The following AGPAT3 variants were observed in gnomAD, a reference collection of about 807,000 sequenced individuals.
The protein encoded by AGPAT3 is 1-acylglycerol-3-phosphate O-acyltransferase 3.
AGPAT3 carries 5 observed loss-of-function variants against 47.3 expected under a neutral mutation model. That is an observed-to-expected ratio of 0.11 (90% CI 0.06 to 0.22). The LOEUF (loss-of-function observed/expected upper bound fraction) is 0.22, where lower values mean the gene tolerates loss of function less well. Ranked by LOEUF, AGPAT3 falls within the 10% of genes least tolerant of loss-of-function variation. AGPAT3 has a pLI of 1.00. For missense variants in AGPAT3, 315 were observed against 493.0 expected (o/e 0.64, Z 3.42); for synonymous variants, 212 against 208.3 (o/e 1.02, Z -0.15).
chr21:43,985,079 C>T lies in AGPAT3; in HGVS notation c.*2687C>T, dbSNP rs2030126455. ...CCAGGCGGGAGGGCCCAGGCCCACC[C>T]ACGGGCGTCTGGCCGGTCAAGCTCC... is the stretch of plus-strand genomic sequence containing the variant. On this transcript the variant is annotated 3_prime_UTR_variant, in exon 10 of 10. Transcript: ENST00000291572. 2.2e-6 allele frequency: 1 copy of T among 455,978 alleles called. No homozygotes were observed. The highest frequency in any genetic ancestry group is 4.4e-6 in the Non-Finnish European group (1 of 226,808). The allele number at this position is 455,978 out of a possible 1,614,324, so 28.2% of individuals were successfully genotyped here. A position where few individuals can be genotyped will look rare whatever the true frequency, so the allele number is the denominator to read the frequency against.
intron 2 of AGPAT3, among the ~76,000 whole-genome samples, chr21:43,905,304 C>G (rs1440894650): frequency 6.6e-6 from 1 of 151,966 alleles, no homozygotes; most frequent in Non-Finnish European, 1.5e-5. Context: ...ATTCTCCTGC[C>G]TCAGCCCCCT....
Position 43,981,456 on chromosome 21 carries a change from G to A in AGPAT3, c.1042+269G>A, listed in dbSNP as rs746040694. The A allele has an allele frequency of 9.5e-5, 51 of 535,862 alleles. No individual in the cohort carries two copies. The East Asian group carries it at 1.2e-3, about 12-fold the overall frequency. The allele number at this position is 535,862 out of a possible 1,614,324, so 33.2% of individuals were successfully genotyped here. A position where few individuals can be genotyped will look rare whatever the true frequency, so the allele number is the denominator to read the frequency against. On this transcript the variant is annotated intron_variant, in intron 9 of 9. Coordinates refer to ENST00000291572, the MANE Select transcript of AGPAT3 (RefSeq NM_020132.5). This position sits in a 1 kb window ranked among gnomAD's most constrained non-coding sequence, Gnocchi z 5.3. ...ACTGGCTGGCGCCCTTGAGGATGCC[G>A]ACGAGAGGGTCCCCGAGAGGGTCCC... is the stretch of plus-strand genomic sequence containing the variant.
chr21:43,944,089 A>G (rs949827334), intron 2 of AGPAT3, among the ~76,000 whole-genome samples: 4 of 151,556 alleles, frequency 2.6e-5, no homozygotes, highest in African/African-American at 9.7e-5. Context: ...AAGGAGCCAC[A>G]CCTCCCTCTC....
chr21:43,939,451 T>C lies in AGPAT3; in HGVS notation c.-48-20183T>C, dbSNP rs1047331688. 1.3e-5 allele frequency among the ~76,000 whole-genome samples: 2 copies of C among 151,872 alleles called. No individual in the cohort carries two copies. Among genetic ancestry groups the C allele is most frequent in the African/African-American group, 4.8e-5 (2 of 41,308 alleles). On this transcript the variant is annotated intron_variant, in intron 2 of 9. Coordinates refer to ENST00000291572, the MANE Select transcript of AGPAT3 (RefSeq NM_020132.5). The surrounding 1 kb of genome is among the most constrained non-coding windows in gnomAD (Gnocchi z 4.4). The stretch of plus-strand genomic sequence containing the variant: ...CAGATTGAGAGGTTTCAGGCTGGAG[T>C]GACATGGAGGGACGTGCCTGACTTC...
intron 2 of AGPAT3, among the ~76,000 whole-genome samples, chr21:43,943,335 A>G (rs1001028152): frequency 2.6e-5 from 4 of 152,016 alleles, no homozygotes; most frequent in African/African-American, 9.7e-5. Flanking sequence ...CGGCCTCCCA[A>G]AGTGCTGGGA....
At chr21:43,883,921 G>A (rs2085908357) in intron 1 of AGPAT3, among the ~76,000 whole-genome samples, 1 of 152,088 alleles carries the variant, frequency 6.6e-6, no homozygotes, top group Non-Finnish European at 1.5e-5. Flanking sequence ...AGAGAGACGG[G>A]GTTTCTCCAT....
chr21:43,968,448 G>T (rs906158540), intron 4 of AGPAT3, among the ~76,000 whole-genome samples: 7 of 151,642 alleles, frequency 4.6e-5, no homozygotes, highest in Admixed American at 6.6e-5. Flanking sequence ...GGCCCTGGGT[G>T]GGGGAGGTAC....
intron 3 of AGPAT3, chr21:43,966,803 G>T (rs112535509): frequency 2.6e-5 from 4 of 152,290 alleles, no homozygotes; most frequent in African/African-American, 4.8e-5. Flanking sequence ...CTGGTGTCCA[G>T]CGCGAGAAGC....
chr21:43,923,683 T>C (rs139053411), intron 2 of AGPAT3, among the ~76,000 whole-genome samples: 6 of 152,322 alleles, frequency 3.9e-5, no homozygotes, highest in African/African-American at 1.4e-4. Context: ...CTGTGTCTGC[T>C]GGTTTCTGGT....
intron 1 of AGPAT3, among the ~76,000 whole-genome samples, chr21:43,871,222 A>G (rs1396532799): frequency 6.6e-6 from 1 of 152,204 alleles, no homozygotes; most frequent in Non-Finnish European, 1.5e-5. Context: ...AGAGGGGGAA[A>G]AATCCCAAGA....
rs1196214175 is a variant in AGPAT3 at position 43,955,847 on chromosome 21, C to T, written c.-48-3787C>T. 6.6e-6 allele frequency among the ~76,000 whole-genome samples: 1 copy of T among 151,230 alleles called. No individual in the cohort carries two copies. The highest frequency in any genetic ancestry group is 2.0e-4 in the East Asian group (1 of 5,060). Reference sequence around the variant, plus strand: ...CTTGAACCCAGGAAGCTGCAGTGAGCCAAGATGGCACCACAGCACTCTAAC... The same window carrying T: ...CTTGAACCCAGGAAGCTGCAGTGAGTCAAGATGGCACCACAGCACTCTAAC... On this transcript the variant is annotated intron_variant, in intron 2 of 9. Coordinates refer to ENST00000291572, the MANE Select transcript of AGPAT3 (RefSeq NM_020132.5). The surrounding 1 kb of genome is among the most constrained non-coding windows in gnomAD (Gnocchi z 4.1).
intron 2 of AGPAT3, among the ~76,000 whole-genome samples, chr21:43,926,031 CTG>C (rs1015838311): frequency 6.6e-5 from 10 of 152,244 alleles, no homozygotes; most frequent in African/African-American, 2.2e-4. Flanking sequence ...ATGGAGAAGT[CTG>C]TGATATTTTG....
chr21:43,940,636 A>G (rs1018024837), intron 2 of AGPAT3, among the ~76,000 whole-genome samples: 3 of 152,244 alleles, frequency 2.0e-5, no homozygotes, highest in African/African-American at 7.2e-5. Flanking sequence ...CCTGGGACGG[A>G]CAAGTGCCTG....
At chr21:43,896,179 C>T (rs1224406411) in intron 1 of AGPAT3, among the ~76,000 whole-genome samples, 1 of 152,256 alleles carries the variant, frequency 6.6e-6, no homozygotes, top group African/African-American at 2.4e-5. Context: ...GTTGGGATTA[C>T]AGGGGTGAGC....
chr21:43,943,218 G>A (rs538717769), intron 2 of AGPAT3, among the ~76,000 whole-genome samples: 1 of 152,250 alleles, frequency 6.6e-6, no homozygotes, highest in East Asian at 1.9e-4. Context: ...GGGACTACAG[G>A]TGCCGGCCAC....
At chr21:43,941,439 C>T (rs553951156) in intron 2 of AGPAT3, among the ~76,000 whole-genome samples, 5 of 152,300 alleles carry the variant, frequency 3.3e-5, no homozygotes, top group Non-Finnish European at 7.3e-5. Flanking sequence ...AAGACAGAAT[C>T]CTAAGGCTGA....
chr21:43,981,284 A>T lies in AGPAT3; in HGVS notation c.1042+97A>T. ...GGTGACTCATCACAGTGGCTGTGGG[A>T]GGCAGGGGCCTGGCTGTTATGGACC... On this transcript the variant is annotated intron_variant, in intron 9 of 9. Transcript: ENST00000291572. The surrounding 1 kb of genome is among the most constrained non-coding windows in gnomAD (Gnocchi z 5.3). 1 of 1,350,332 alleles carries T rather than the reference A, an allele frequency of 7.4e-7. No homozygotes were observed. The highest frequency in any genetic ancestry group is 1.2e-5 in the South Asian group (1 of 83,058). The allele number at this position is 1,350,332 out of a possible 1,614,324, so 83.6% of individuals were successfully genotyped here. A position where few individuals can be genotyped will look rare whatever the true frequency, so the allele number is the denominator to read the frequency against.
Position 43,955,164 on chromosome 21 carries a change from G to A in AGPAT3, c.-48-4470G>A, listed in dbSNP as rs763451674. ...ACGGATGCGCCCTGGGTGCTGTCCC[G>A]GGGCCGTCTCAGAAGCACCGCGCTG... is the stretch of plus-strand genomic sequence containing the variant. On this transcript the variant is annotated intron_variant, in intron 2 of 9. Transcript: ENST00000291572. This position sits in a 1 kb window ranked among gnomAD's most constrained non-coding sequence, Gnocchi z 4.1. 64 of 1,274,916 alleles carry A rather than the reference G, an allele frequency of 5.0e-5. No individual in the cohort carries two copies. The highest frequency in any genetic ancestry group is 2.7e-4 in the South Asian group (21 of 79,008). The allele number at this position is 1,274,916 out of a possible 1,614,324, so 79.0% of individuals were successfully genotyped here.
chr21:43,871,825 G>A (rs2085630865), intron 1 of AGPAT3, among the ~76,000 whole-genome samples: 1 of 152,078 alleles, frequency 6.6e-6, no homozygotes, highest in South Asian at 2.1e-4. Flanking sequence ...TGTAATGTGT[G>A]CATTATATAT....
Sources: allele counts gnomAD v4.1 joint callset (sites outside exome capture counted in the v4.1 genomes callset), GRCh38; gene constraint gnomAD v4.1.1; non-coding constraint Gnocchi (gnomAD v3.1); transcripts MANE v1.5; gene names NCBI Gene and HGNC (gene_info 2026-07-23, HGNC 2026-07-21).